Variants in RTN1 observed in about 807,000 individuals in gnomAD.
RTN1 encodes reticulon 1.
Under a neutral mutation model 65.5 loss-of-function variants are expected in RTN1, and 25 were observed. The ratio of observed to expected loss-of-function variants is 0.38; its 90% CI spans 0.28 to 0.53. RTN1 has a LOEUF of 0.53. Ranked by LOEUF, RTN1 falls within the 20% of genes least tolerant of loss-of-function variation. The pLI, the probability that RTN1 is intolerant of heterozygous loss-of-function variation, is 0.79. For synonymous variants in RTN1, 471 were observed against 447.6 expected, an observed-to-expected ratio of 1.05 and a Z score of -0.66; for missense variants, 983 against 1,025.4, an observed-to-expected ratio of 0.96 and a Z score of 0.57.
At chr14:59,698,545 T>C (rs1383090365) in intron 3 of RTN1, among the ~76,000 whole-genome samples, 2 of 152,168 alleles carry the variant, frequency 1.3e-5, no homozygotes, top group Non-Finnish European at 2.9e-5. Context: ...TGCTAGTGAA[T>C]AAGTCTCATG....
intron 1 of RTN1, among the ~76,000 whole-genome samples, chr14:59,805,759 T>A (rs1285136475): frequency 1.3e-5 from 2 of 152,140 alleles, no homozygotes; most frequent in Admixed American, 1.3e-4. Context: ...GAAAATATTA[T>A]AAATTTTACA....
chr14:59,669,839 C>T (rs1883464768), intron 3 of RTN1, among the ~76,000 whole-genome samples: 1 of 152,176 alleles, frequency 6.6e-6, no homozygotes. Flanking sequence ...AGCATTTCTA[C>T]TGTTAAACTC....
intron 1 of RTN1, among the ~76,000 whole-genome samples, chr14:59,748,660 C>G (rs184256300): frequency 2.0e-5 from 3 of 152,122 alleles, no homozygotes; most frequent in Non-Finnish European, 4.4e-5. Context: ...TAGGTGAGCT[C>G]ACACACACAG....
chr14:59,650,801 G>A (rs1883004225), intron 3 of RTN1, among the ~76,000 whole-genome samples: 2 of 152,180 alleles, frequency 1.3e-5, no homozygotes, highest in Non-Finnish European at 2.9e-5. Context: ...TGAATAGGAA[G>A]ACTCAATATC....
intron 3 of RTN1, among the ~76,000 whole-genome samples, chr14:59,689,192 G>C (rs1883906507): frequency 6.6e-6 from 1 of 152,036 alleles, no homozygotes; most frequent in Admixed American, 6.5e-5. Flanking sequence ...CAATAGACCA[G>C]ACCAAGCAGA....
At chr14:59,824,974 T>A (rs960238164) in intron 1 of RTN1, among the ~76,000 whole-genome samples, 1 of 152,150 alleles carries the variant, frequency 6.6e-6, no homozygotes, top group African/African-American at 2.4e-5. Context: ...ATGGTGGTTG[T>A]CAGGGGCTGG....
chr14:59,824,358 T>C (rs919949470), intron 1 of RTN1, among the ~76,000 whole-genome samples: 2 of 152,218 alleles, frequency 1.3e-5, no homozygotes, highest in Non-Finnish European at 2.9e-5. Context: ...TAAATATTTG[T>C]GAAAGAGGGT....
At chr14:59,611,960 A>G (rs1881965085) in intron 3 of RTN1, among the ~76,000 whole-genome samples, 1 of 152,168 alleles carries the variant, frequency 6.6e-6, no homozygotes, top group South Asian at 2.1e-4. Flanking sequence ...AAGGCTCAAC[A>G]GGCCTCTTGG....
intron 1 of RTN1, among the ~76,000 whole-genome samples, chr14:59,746,887 TG>T (rs1223221513): frequency 6.6e-6 from 1 of 152,194 alleles, no homozygotes; most frequent in East Asian, 1.9e-4. Flanking sequence ...ACCTCAGGAT[TG>T]TAACTGCAAC....
intron 1 of RTN1, among the ~76,000 whole-genome samples, chr14:59,856,853 C>T (rs905586078): frequency 6.6e-5 from 10 of 152,210 alleles, no homozygotes; most frequent in African/African-American, 2.4e-4. Context: ...AGTTATCTGC[C>T]ATTTCCATGC....
At chr14:59,844,327 T>A (rs970645782) in intron 1 of RTN1, among the ~76,000 whole-genome samples, 1 of 151,994 alleles carries the variant, frequency 6.6e-6, no homozygotes, top group African/African-American at 2.4e-5. Flanking sequence ...TAGTGGGGAG[T>A]GGGCTTCTGA....
intron 1 of RTN1, among the ~76,000 whole-genome samples, chr14:59,851,489 C>A (rs138170485): frequency 1.3e-5 from 2 of 152,160 alleles, no homozygotes; most frequent in Non-Finnish European, 2.9e-5. Context: ...ATGTCTGGGG[C>A]TTATTTCTCT....
Position 59,752,346 on chromosome 14 carries a change from G to A in RTN1, c.242-5865C>T, listed in dbSNP as rs117995016. 2.0e-3 allele frequency among the ~76,000 whole-genome samples: 307 copies of A among 152,204 alleles called. 12 individuals are homozygous for A. The East Asian group carries it at 0.054, about 27-fold the overall frequency. ...TGCTGTAATTTCACATGGTAGAAAG[G>A]GTGAGGGATTCTCTCTGGGGCCACT... On this transcript the variant is annotated intron_variant, in intron 1 of 8. Coordinates refer to ENST00000267484, the MANE Select transcript of RTN1 (RefSeq NM_021136.3).
intron 6 of RTN1, 100 bp from the exon 7 acceptor site, chr14:59,603,358 T>A: frequency 1.1e-6 from 1 of 888,672 alleles, no homozygotes; most frequent in Non-Finnish European, 1.7e-6. Context: ...ATAGCATTAT[T>A]TGGAATATAC....
intron 1 of RTN1, among the ~76,000 whole-genome samples, chr14:59,757,363 C>A (rs925731526): frequency 6.6e-6 from 1 of 152,070 alleles, no homozygotes; most frequent in African/African-American, 2.4e-5. Flanking sequence ...GTAGTGAATA[C>A]GTTTCATGAG....
chr14:59,642,251 T>A (rs2140192563), intron 3 of RTN1, among the ~76,000 whole-genome samples: 3 of 152,298 alleles, frequency 2.0e-5, no homozygotes, highest in Middle Eastern at 6.8e-3. Context: ...TTATGACTGT[T>A]TTTAAGATTT....
chr14:59,868,914 G>T lies in RTN1; in HGVS notation c.241+1476C>A, dbSNP rs1594773978. Among the ~76,000 whole-genome samples the T allele has an allele frequency of 6.6e-6, 1 of 152,136 alleles. No individual in the cohort carries two copies. Among genetic ancestry groups the T allele is most frequent in the African/African-American group, 2.4e-5 (1 of 41,424 alleles). ...CCATCTTCTTTTGCAATTATAAAGA[G>T]TTTTGTTTTCACTTGGATGCAGAAG... On this transcript the variant is annotated intron_variant, in intron 1 of 8. Transcript: ENST00000267484. This position sits in a 1 kb window ranked among gnomAD's most constrained non-coding sequence, Gnocchi z 4.0.
intron 1 of RTN1, among the ~76,000 whole-genome samples, chr14:59,857,674 A>C (rs1887632609): frequency 6.6e-6 from 1 of 152,190 alleles, no homozygotes; most frequent in African/African-American, 2.4e-5. Context: ...GCTTTCTTCC[A>C]GCAAAACTCG....
rs1887012342 is a variant in RTN1, at chr14:59,825,317, C to T, written c.241+45073G>A. ...CATCTTGTATCTGACCTCTGGGTTA[C>T]CTGGTCTATGGCCTTTGTTTACCAG... On this transcript the variant is annotated intron_variant, in intron 1 of 8. Coordinates refer to ENST00000267484, the MANE Select transcript of RTN1 (RefSeq NM_021136.3). This position sits in a 1 kb window ranked among gnomAD's most constrained non-coding sequence, Gnocchi z 4.2. 6.6e-6 allele frequency among the ~76,000 whole-genome samples: 1 copy of T among 152,218 alleles called. No homozygotes were observed. Among genetic ancestry groups the T allele is most frequent in the Non-Finnish European group, 1.5e-5 (1 of 68,032 alleles).
Sources: allele counts gnomAD v4.1 joint callset (sites outside exome capture counted in the v4.1 genomes callset), GRCh38; gene constraint gnomAD v4.1.1; non-coding constraint Gnocchi (gnomAD v3.1); transcripts MANE v1.5; gene names NCBI Gene and HGNC (gene_info 2026-07-23, HGNC 2026-07-21).